The following HIVEP3 variants were observed in gnomAD, a reference collection of about 807,000 sequenced individuals.
HIVEP3 encodes the protein transcription factor HIVEP3.
Under a neutral mutation model 152.8 loss-of-function variants are expected in HIVEP3, and 49 were observed. The observed-to-expected ratio is 0.32, with a 90% CI of 0.26 to 0.41. HIVEP3 has a LOEUF of 0.41. Among genes scored for constraint, HIVEP3 ranks in the 10% least tolerant of loss-of-function variants. HIVEP3 has a pLI of 1.00. For synonymous variants in HIVEP3, 1,269 were observed against 1,289.0 expected, an observed-to-expected ratio of 0.98 and a Z score of 0.33; for missense variants, 2,790 against 3,103.3, an observed-to-expected ratio of 0.90 and a Z score of 2.40.
At chr1:41,634,153 C>T (rs532596247) in intron 2 of HIVEP3, among the ~76,000 whole-genome samples, 3 of 150,932 alleles carry the variant, frequency 2.0e-5, no homozygotes, top group South Asian at 2.1e-4. Context: ...AGGAATCACT[C>T]AAAGGAAATA....
chr1:41,555,088 C>G (rs1046422071), intron 5 of HIVEP3, among the ~76,000 whole-genome samples: 12 of 152,316 alleles, frequency 7.9e-5, no homozygotes, highest in African/African-American at 2.9e-4. Context: ...TCAGCTATGC[C>G]CTGCCCCCAG....
intron 5 of HIVEP3, among the ~76,000 whole-genome samples, chr1:41,525,315 G>A (rs531317455): frequency 3.9e-5 from 6 of 152,278 alleles, no homozygotes; most frequent in Non-Finnish European, 7.4e-5. Context: ...GCAGCAGCTC[G>A]GGCAGCCGCC....
chr1:41,694,787 C>G (rs1271980092), intron 2 of HIVEP3, among the ~76,000 whole-genome samples: 7 of 152,170 alleles, frequency 4.6e-5, no homozygotes, highest in Non-Finnish European at 8.8e-5. Context: ...AGACTTTTAC[C>G]AATAAGATAC....
At chr1:41,814,660 A>G (rs1184952539) in intron 1 of HIVEP3, among the ~76,000 whole-genome samples, 1 of 152,222 alleles carries the variant, frequency 6.6e-6, no homozygotes, top group Non-Finnish European at 1.5e-5. Flanking sequence ...TGTAATTACT[A>G]TTCATTTATG....
chr1:41,782,575 T>C (rs28427152), intron 1 of HIVEP3, among the ~76,000 whole-genome samples: 1,871 of 151,836 alleles, frequency 0.012, 45 homozygotes, highest in African/African-American at 0.043. Flanking sequence ...CTACTAAAAA[T>C]ACAAAAATTA....
At chr1:41,889,496 G>A (rs1251727007) in intron 1 of HIVEP3, among the ~76,000 whole-genome samples, 1 of 152,118 alleles carries the variant, frequency 6.6e-6, no homozygotes, top group African/African-American at 2.4e-5. Context: ...GGACTGGAGG[G>A]ACACCTTGCC....
intron 1 of HIVEP3, among the ~76,000 whole-genome samples, chr1:41,732,331 G>A (rs367699512): frequency 6.6e-6 from 1 of 152,118 alleles, no homozygotes; most frequent in Non-Finnish European, 1.5e-5. Flanking sequence ...TAAGCAACTC[G>A]CCCAGGGTCA....
intron 1 of HIVEP3, among the ~76,000 whole-genome samples, chr1:41,874,259 G>A (rs1644130035): frequency 6.6e-6 from 1 of 152,210 alleles, no homozygotes; most frequent in African/African-American, 2.4e-5. Context: ...AGAGGGGAGA[G>A]GAAATGCATT....
chr1:41,865,156 C>G (rs1258846364), intron 1 of HIVEP3, among the ~76,000 whole-genome samples: 5 of 152,198 alleles, frequency 3.3e-5, no homozygotes, highest in Admixed American at 1.3e-4. Flanking sequence ...TGGTAGCCAG[C>G]AAAATTAAAG....
At chr1:42,006,763 T>C (rs759419453) in intron 1 of HIVEP3, among the ~76,000 whole-genome samples, 2 of 152,122 alleles carry the variant, frequency 1.3e-5, no homozygotes, top group African/African-American at 4.8e-5. Context: ...AAAAGGCAAA[T>C]TGCATCTTAG....
chr1:42,001,546 A>C (rs527509237), intron 1 of HIVEP3, among the ~76,000 whole-genome samples: 118 of 152,306 alleles, frequency 7.7e-4, no homozygotes, highest in South Asian at 1.9e-3. Context: ...GACTAGATTC[A>C]AGGATCAAGT....
intron 1 of HIVEP3, among the ~76,000 whole-genome samples, chr1:41,833,807 T>C (rs1015293701): frequency 1.3e-5 from 2 of 152,134 alleles, no homozygotes; most frequent in African/African-American, 4.8e-5. Flanking sequence ...ATCTGGATAA[T>C]AACTAACCAC....
intron 1 of HIVEP3, among the ~76,000 whole-genome samples, chr1:41,769,112 G>A (rs900031866): frequency 1.3e-5 from 2 of 152,164 alleles, no homozygotes; most frequent in Non-Finnish European, 2.9e-5. Context: ...CACACCAAAT[G>A]GTTCCCTTTT....
chr1:41,529,096 CCT>C (rs1352023858), intron 5 of HIVEP3, among the ~76,000 whole-genome samples: 26 of 142,570 alleles, frequency 1.8e-4, no homozygotes, highest in African/African-American at 5.5e-4. Flanking sequence ...CACCCCACAC[CCT>C]CACACATGCT....
intron 3 of HIVEP3, among the ~76,000 whole-genome samples, chr1:41,600,276 T>A (rs531638266): frequency 1.3e-5 from 2 of 152,330 alleles, no homozygotes; most frequent in East Asian, 3.9e-4. Flanking sequence ...TCTATGTTCA[T>A]AGCGGCATGA....
At position 41,704,223 on chromosome 1, in the gene HIVEP3, C is replaced by T. The variant is rs369476376; in HGVS notation, c.-800-3228G>A. Among the ~76,000 whole-genome samples, 7 of 152,334 alleles carry T rather than the reference C, an allele frequency of 4.6e-5. No individual in the cohort carries two copies. The South Asian group carries it at 8.3e-4, about 18-fold the overall frequency. On this transcript the variant is annotated intron_variant, in intron 1 of 8. Coordinates refer to ENST00000372583, the MANE Select transcript of HIVEP3 (RefSeq NM_024503.5). The stretch of plus-strand genomic sequence containing the variant: ...GGCCAACTTGTTCTGTGCTAAGCAT[C>T]GCTTCCACCGCTTTCTCCCTCACAT...
chr1:41,598,554 G>A (rs1206992817), intron 3 of HIVEP3, among the ~76,000 whole-genome samples: 4 of 152,142 alleles, frequency 2.6e-5, no homozygotes, highest in Non-Finnish European at 4.4e-5. Context: ...AGATATAACT[G>A]TATAGTAATG....
rs1234697252 is a variant in HIVEP3, at chr1:41,584,014, C to T, written c.784G>A (p.Gly262Arg). 1.2e-6 allele frequency: 2 copies of T among 1,614,162 alleles called. No homozygotes were observed. Among genetic ancestry groups the T allele is most frequent in the Admixed American group, 3.3e-5 (2 of 60,022 alleles). The part of the protein sequence containing the change: ...SGMGGEMYPH[G>R]LEMERIPGEE... ...CCAGGGATCCGCTCCATCTCCAGCC[C>T]ATGTGGGTACATCTCGCCACCCATG... The change falls in exon 4 of 9, where the codon GGG (glycine) becomes AGG (arginine). Residue 262 changes from glycine to arginine, a missense_variant. Physicochemically the swap from Gly to Arg is moderately radical, Grantham distance 125. Coordinates refer to ENST00000372583, the MANE Select transcript of HIVEP3 (RefSeq NM_024503.5). This position sits in a 1 kb window ranked among gnomAD's most constrained non-coding sequence, Gnocchi z 5.2.
chr1:41,551,040 G>T (rs1234116964), intron 5 of HIVEP3, among the ~76,000 whole-genome samples: 1 of 152,142 alleles, frequency 6.6e-6, no homozygotes, highest in East Asian at 1.9e-4. Flanking sequence ...ATTATTTTGA[G>T]ATATGTTCCA....
Sources: allele counts gnomAD v4.1 joint callset (sites outside exome capture counted in the v4.1 genomes callset), GRCh38; gene constraint gnomAD v4.1.1; non-coding constraint Gnocchi (gnomAD v3.1); transcripts MANE v1.5; gene names NCBI Gene and HGNC (gene_info 2026-07-23, HGNC 2026-07-21).